The following STPG2 variants were observed in gnomAD, a reference collection of about 807,000 sequenced individuals.
STPG2 encodes the protein sperm-tail PG-rich repeat-containing protein 2.
A neutral mutation model predicts 54.2 loss-of-function variants in STPG2; 56 were observed. That is an observed-to-expected ratio of 1.03 (90% CI 0.83 to 1.29). The LOEUF (loss-of-function observed/expected upper bound fraction) is 1.29, where lower values mean the gene tolerates loss of function less well. Among genes scored for constraint, STPG2 ranks in the 50% most tolerant of loss-of-function variants. The pLI, the probability that STPG2 is intolerant of heterozygous loss-of-function variation, is 0.00. For synonymous variants in STPG2, 200 were observed against 181.8 expected (o/e 1.10, Z -0.81); for missense variants, 596 against 544.9 (o/e 1.09, Z -0.93).
intron 9 of STPG2, among the ~76,000 whole-genome samples, chr4:97,775,572 T>C (rs1187537130): frequency 6.6e-6 from 1 of 152,198 alleles, no homozygotes; most frequent in Non-Finnish European, 1.5e-5. Context: ...ATTCATATTC[T>C]AGTACTTTGA....
At chr4:98,012,130 A>G (rs1252651096) in intron 5 of STPG2, among the ~76,000 whole-genome samples, 3 of 125,864 alleles carry the variant, frequency 2.4e-5, no homozygotes, top group Non-Finnish European at 5.3e-5. Flanking sequence ...TAATTTTTGT[A>G]TAATGCATAA....
chr4:97,822,088 T>C (rs1728112393), intron 9 of STPG2, among the ~76,000 whole-genome samples: 1 of 152,230 alleles, frequency 6.6e-6, no homozygotes, highest in Non-Finnish European at 1.5e-5. Flanking sequence ...ATGCTCAGCT[T>C]CCCCTTTAAA....
chr4:98,024,016 C>T (rs1834648), intron 5 of STPG2, among the ~76,000 whole-genome samples: 59,988 of 151,744 alleles, frequency 0.4, 12,114 homozygotes, highest in African/African-American at 0.46. Context: ...CTTCGGCCTG[C>T]GCACAGTTCG....
chr4:98,001,186 G>A (rs1274664437), intron 5 of STPG2, among the ~76,000 whole-genome samples: 1 of 151,994 alleles, frequency 6.6e-6, no homozygotes, highest in Non-Finnish European at 1.5e-5. Flanking sequence ...GTAAATATGA[G>A]TAAATGTGGC....
chr4:98,042,825 C>G (rs1344123093), intron 5 of STPG2, among the ~76,000 whole-genome samples: 4 of 151,864 alleles, frequency 2.6e-5, no homozygotes, highest in African/African-American at 9.7e-5. Context: ...GGTCTAAAGT[C>G]CAATTTAAGT....
At chr4:97,552,161 T>C (rs967744846) in intron 4 of STPG2, among the ~76,000 whole-genome samples, 11 of 152,098 alleles carry the variant, frequency 7.2e-5, no homozygotes, top group African/African-American at 2.4e-4. Context: ...TTGTATTTCA[T>C]TCTATTCGGT....
In STPG2 at chr4:97,558,911, T is replaced by C; in HGVS notation, c.*147A>G. On this transcript the variant is annotated 3_prime_UTR_variant, in exon 11 of 11. Transcript: ENST00000295268. ...GGTTTATTTCTCCGTGGTTGTGTCA[T>C]ATAGTCACTAAAGCCTGAGCGAATG... 1 of 664,352 alleles carries C rather than the reference T, an allele frequency of 1.5e-6. No individual in the cohort carries two copies. The highest frequency in any genetic ancestry group is 2.7e-6 in the Non-Finnish European group (1 of 376,984). The allele number at this position is 664,352 out of a possible 1,614,324, so 41.2% of individuals were successfully genotyped here. A position where few individuals can be genotyped will look rare whatever the true frequency, so the allele number is the denominator to read the frequency against.
chr4:97,639,540 T>G (rs1159421526), intron 10 of STPG2, among the ~76,000 whole-genome samples: 1 of 151,806 alleles, frequency 6.6e-6, no homozygotes, highest in Non-Finnish European at 1.5e-5. Context: ...CGTAAGAACT[T>G]CAAAAGTCTT....
At chr4:97,935,408 C>A (rs1732711637) in intron 8 of STPG2, among the ~76,000 whole-genome samples, 1 of 152,048 alleles carries the variant, frequency 6.6e-6, no homozygotes, top group Non-Finnish European at 1.5e-5. Flanking sequence ...TTAGTTATTT[C>A]TTGTCTTCTG....
intron 10 of STPG2, among the ~76,000 whole-genome samples, chr4:97,640,362 A>C (rs1721724851): frequency 6.6e-6 from 1 of 152,060 alleles, no homozygotes; most frequent in Non-Finnish European, 1.5e-5. Flanking sequence ...ATATTTTTTT[A>C]AGTTTGAAAA....
intron 5 of STPG2, among the ~76,000 whole-genome samples, chr4:97,983,541 G>A (rs1027544890): frequency 1.3e-5 from 2 of 152,180 alleles, no homozygotes; most frequent in Admixed American, 6.5e-5. Flanking sequence ...TACTGAGCAG[G>A]TGGGGGGCCC....
At chr4:97,693,467 C>T (rs773504730) in intron 10 of STPG2, among the ~76,000 whole-genome samples, 3 of 152,198 alleles carry the variant, frequency 2.0e-5, no homozygotes, top group African/African-American at 7.2e-5. Flanking sequence ...AAAAGGACTA[C>T]TCTAAAAGGA....
intron 8 of STPG2, among the ~76,000 whole-genome samples, chr4:97,936,038 C>T (rs1035817056): frequency 2.0e-5 from 3 of 152,148 alleles, no homozygotes; most frequent in African/African-American, 7.2e-5. Context: ...TCTCTAAGAA[C>T]TTGCTTTATG....
chr4:97,703,547 A>AATACTAT lies in STPG2; in HGVS notation c.1320+9151_1320+9152insATAGTAT, dbSNP rs1723845189. Among the ~76,000 whole-genome samples, 26 of 139,536 alleles carry AATACTAT rather than the reference A, an allele frequency of 1.9e-4. No individual in the cohort carries two copies. The Admixed American group carries it at 2.1e-3, about 11-fold the overall frequency. 91.5% of individuals were successfully genotyped at this position (139,536 alleles called of 152,430 possible). On this transcript the variant is annotated intron_variant, in intron 10 of 10. Transcript: ENST00000295268. ...TACTATATATAAGTCTATATACTAT[A>AATACTAT]ATATACTATATATACTATTATATTT...
intron 4 of STPG2, among the ~76,000 whole-genome samples, chr4:97,508,998 A>G (rs1730911425): frequency 6.6e-6 from 1 of 152,098 alleles, no homozygotes; most frequent in African/African-American, 2.4e-5. Context: ...TAATTAATTA[A>G]CCATTTTCCT....
intron 9 of STPG2, among the ~76,000 whole-genome samples, chr4:97,721,919 T>C (rs916899042): frequency 2.0e-5 from 3 of 152,086 alleles, no homozygotes; most frequent in Admixed American, 2.0e-4. Flanking sequence ...AGATTGTTTT[T>C]CTTTATAATT....
intron 5 of STPG2, among the ~76,000 whole-genome samples, chr4:98,022,347 CCA>C (rs1736242289): frequency 6.6e-6 from 1 of 152,004 alleles, no homozygotes; most frequent in Non-Finnish European, 1.5e-5. Context: ...ATATTGGCCC[CCA>C]CTCTCTTCTG....
chr4:97,722,062 CT>C lies in STPG2; in HGVS notation c.1205-9249del, dbSNP rs148500830. Among the ~76,000 whole-genome samples, 1,326 of 148,910 alleles carry C rather than the reference CT, an allele frequency of 8.9e-3. 64 individuals are homozygous for C. Among genetic ancestry groups the C allele is most frequent in the Admixed American group, 0.081 (1,214 of 14,922 alleles). On this transcript the variant is annotated intron_variant, in intron 9 of 10. Transcript: ENST00000295268. ...ATTATCACAATGTCCCCCTCCCCTC[CT>C]TTTTTTTTCTTTTTAACAATGTCCA... is the stretch of plus-strand genomic sequence containing the variant.
intron 10 of STPG2, among the ~76,000 whole-genome samples, chr4:97,650,961 T>C (rs1281706280): frequency 2.0e-5 from 3 of 151,998 alleles, no homozygotes; most frequent in African/African-American, 7.2e-5. Context: ...GAATTTATGC[T>C]TTGTAGGGCA....
Sources: allele counts gnomAD v4.1 joint callset (sites outside exome capture counted in the v4.1 genomes callset), GRCh38; gene constraint gnomAD v4.1.1; transcripts MANE v1.5; gene names NCBI Gene and HGNC (gene_info 2026-07-23, HGNC 2026-07-21).